Variants in SMS observed in about 807,000 individuals in gnomAD.
SMS encodes the protein spermine synthase.
Under a neutral mutation model 33.0 loss-of-function variants are expected in SMS, and 3 were observed. The observed-to-expected ratio is 0.09, with a 90% CI of 0.04 to 0.23. The LOEUF (loss-of-function observed/expected upper bound fraction) is 0.23. SMS is among the 10% of genes least tolerant of loss of function. The pLI, the probability that SMS is intolerant of heterozygous loss-of-function variation, is 1.00. For missense variants in SMS, 117 were observed against 288.6 expected, an observed-to-expected ratio of 0.41 and a Z score of 4.31; for synonymous variants, 103 against 112.2, an observed-to-expected ratio of 0.92 and a Z score of 0.52.
At chrX:21,971,573 C>A (rs1262808095) in intron 2 of SMS, among the ~76,000 whole-genome samples, 2 of 112,024 alleles carry the variant, frequency 1.8e-5, no homozygotes, top group Admixed American at 1.9e-4. Flanking sequence ...CCTCTTAAGG[C>A]AGTAGTTACT....
At chrX:21,957,391 A>C (rs915762263) in intron 1 of SMS, among the ~76,000 whole-genome samples, 1 of 109,556 alleles carries the variant, frequency 9.1e-6, no homozygotes. Flanking sequence ...CCACCTCCTG[A>C]GTTCAAGCAA....
chrX:21,954,239 T>C (rs1922822615), intron 1 of SMS, among the ~76,000 whole-genome samples: 1 of 112,162 alleles, frequency 8.9e-6, no homozygotes, highest in Non-Finnish European at 1.9e-5. Flanking sequence ...GGCCTGTTTT[T>C]GTGTGACCCT....
Position 21,965,584 on chromosome X carries a change from C to CAA in SMS, c.50-1596_50-1595dup, listed in dbSNP as rs372094407. On this transcript the variant is annotated intron_variant, in intron 1 of 10. Transcript: ENST00000404933. ...TGAAACCCCGTCTCTACTACAAATACAAAAAAAAAAAAAAAAAGCCGGGCG... is the reference window on the plus strand; with the variant it reads ...TGAAACCCCGTCTCTACTACAAATACAAAAAAAAAAAAAAAAAAAGCCGGGCG... Among the ~76,000 whole-genome samples, 151 of 60,599 alleles carry CAA rather than the reference C, an allele frequency of 2.5e-3. 1 individual carries two copies. Among genetic ancestry groups the CAA allele is most frequent in the Admixed American group, 6.2e-3 (27 of 4,364 alleles). 52.6% of individuals were successfully genotyped at this position (60,599 alleles called of 115,157 possible).
At chrX:21,978,387 C>T (rs757198559) in intron 6 of SMS, among the ~76,000 whole-genome samples, 12 of 111,272 alleles carry the variant, frequency 1.1e-4, no homozygotes, top group South Asian at 3.8e-4. Flanking sequence ...CCAGCCTGAT[C>T]GACATGGCGA....
chrX:21,977,483 A>T (rs1348517650), intron 5 of SMS, among the ~76,000 whole-genome samples: 1 of 110,665 alleles, frequency 9.0e-6, no homozygotes, highest in Non-Finnish European at 1.9e-5. Context: ...GCATTTGCAT[A>T]TTTAAAAAAA....
chrX:21,977,498 C>T (rs181231421), intron 5 of SMS, among the ~76,000 whole-genome samples: 19 of 111,129 alleles, frequency 1.7e-4, no homozygotes, highest in Non-Finnish European at 3.8e-5. Context: ...AAAAAAAAAA[C>T]CTTTTTGTTA....
intron 1 of SMS, among the ~76,000 whole-genome samples, chrX:21,964,055 A>C (rs1923534744): frequency 2.0e-5 from 2 of 100,622 alleles, no homozygotes; most frequent in African/African-American, 8.0e-5. Context: ...ACCAAGTTTG[A>C]AATCAGATTT....
chrX:21,962,461 C>G (rs957424873), intron 1 of SMS, among the ~76,000 whole-genome samples: 1 of 111,555 alleles, frequency 9.0e-6, no homozygotes, highest in East Asian at 2.8e-4. Context: ...TTGAGTATAA[C>G]TGGTATGGAA....
intron 9 of SMS, among the ~76,000 whole-genome samples, chrX:21,989,742 T>C (rs939525876): frequency 9.0e-6 from 1 of 111,171 alleles, no homozygotes; most frequent in Non-Finnish European, 1.9e-5. Flanking sequence ...AACTTTTTTT[T>C]GTTGTTGTTG....
At chrX:21,947,583 A>C (rs1055119678) in intron 1 of SMS, among the ~76,000 whole-genome samples, 4 of 111,276 alleles carry the variant, frequency 3.6e-5, no homozygotes, top group African/African-American at 6.5e-5. Flanking sequence ...AATGTTCTCA[A>C]ATTTGTTGCT....
At chrX:21,976,732 G>T (rs1235009728) in intron 4 of SMS, among the ~76,000 whole-genome samples, 1 of 111,891 alleles carries the variant, frequency 8.9e-6, no homozygotes. Context: ...ATGTGGTAAT[G>T]TCCATGTAGT....
chrX:21,961,123 A>G (rs1923319117), intron 1 of SMS, among the ~76,000 whole-genome samples: 1 of 100,145 alleles, frequency 1.0e-5, no homozygotes, highest in Non-Finnish European at 2.0e-5. Flanking sequence ...TAGTACAGCT[A>G]ATCTACTTTA....
At chrX:21,952,667 G>A (rs1317766074) in intron 1 of SMS, among the ~76,000 whole-genome samples, 1 of 110,574 alleles carries the variant, frequency 9.0e-6, no homozygotes, top group Non-Finnish European at 1.9e-5. Flanking sequence ...AAGAGATTGT[G>A]TAGAATTGGT....
chrX:21,947,561 C>T (rs1922323418), intron 1 of SMS, among the ~76,000 whole-genome samples: 1 of 111,837 alleles, frequency 8.9e-6, no homozygotes, highest in African/African-American at 3.3e-5. Context: ...AGTCCTGTGG[C>T]TTCTGCCTGC....
At chrX:21,941,016 C>A in intron 1 of SMS, 143 bp downstream of exon 1, 1 of 158,610 alleles carries the variant, frequency 6.3e-6, no homozygotes, top group Non-Finnish European at 1.0e-5. Flanking sequence ...CGGACTGCCA[C>A]GCACAGCGCG....
At chrX:21,968,402 C>T (rs1923889345) in intron 2 of SMS, among the ~76,000 whole-genome samples, 1 of 112,441 alleles carries the variant, frequency 8.9e-6, no homozygotes, top group Non-Finnish European at 1.9e-5. Context: ...TTCTCCAAAG[C>T]CCCAGTGGTT....
intron 1 of SMS, among the ~76,000 whole-genome samples, chrX:21,966,877 T>C (rs765303123): frequency 1.3e-4 from 14 of 110,636 alleles, no homozygotes; most frequent in African/African-American, 4.3e-4. Context: ...TTTGTTATGC[T>C]GTCTCTAGGC....
chrX:21,993,386 A>T (rs752319207), intron 10 of SMS, among the ~76,000 whole-genome samples: 4 of 112,886 alleles, frequency 3.5e-5, no homozygotes, highest in Non-Finnish European at 7.5e-5. Flanking sequence ...ACACAGAAAG[A>T]AAAAAGGAAA....
At chrX:21,959,203 T>C (rs1923174610) in intron 1 of SMS, among the ~76,000 whole-genome samples, 1 of 112,782 alleles carries the variant, frequency 8.9e-6, no homozygotes, top group Non-Finnish European at 1.9e-5. Context: ...TAGAAATTCA[T>C]TAAGCTTCTA....
Sources: gnomAD v4.1 joint callset for allele counts (sites outside exome capture counted in the v4.1 genomes callset) on GRCh38, gnomAD v4.1.1 for gene constraint, MANE v1.5 for transcripts, NCBI Gene and HGNC (gene_info 2026-07-23, HGNC 2026-07-21) for gene names.